The following SFI1 variants were observed in gnomAD, a reference collection of about 807,000 sequenced individuals.
SFI1 encodes the protein SFI1 centrin binding protein, also known as protein SFI1 homolog.
SFI1 carries 195 observed loss-of-function variants against 207.5 expected under a neutral mutation model. The ratio of observed to expected loss-of-function variants is 0.94; its 90% CI spans 0.84 to 1.06. SFI1 has a LOEUF of 1.06. SFI1 is among the 50% of genes least tolerant of loss of function. The pLI is 0.00. For synonymous variants in SFI1, 630 were observed against 598.9 expected (o/e 1.05, Z -0.76); for missense variants, 1,634 against 1,588.0 (o/e 1.03, Z -0.49).
intron 2 of SFI1, among the ~76,000 whole-genome samples, chr22:31,510,454 A>T (rs985897335): frequency 1.3e-5 from 2 of 151,676 alleles, no homozygotes; most frequent in African/African-American, 4.8e-5. Context: ...GTTTTTTGAG[A>T]TGGAGTCTCA....
chr22:31,551,078 G>A (rs964051963), intron 6 of SFI1, among the ~76,000 whole-genome samples: 8 of 152,112 alleles, frequency 5.3e-5, no homozygotes, highest in Non-Finnish European at 7.3e-5. Context: ...AATCATCGTT[G>A]CATTGCTACT....
chr22:31,594,420 T>C (rs1255717836), intron 15 of SFI1, among the ~76,000 whole-genome samples: 2 of 151,354 alleles, frequency 1.3e-5, no homozygotes, highest in Admixed American at 1.3e-4. Context: ...TGGTGGCACA[T>C]GCCTGTAATC....
intron 14 of SFI1, among the ~76,000 whole-genome samples, chr22:31,588,524 A>G (rs996615495): frequency 1.3e-5 from 2 of 152,294 alleles, no homozygotes; most frequent in Admixed American, 6.5e-5. Context: ...TAAAACCTCT[A>G]CACATTTGGG....
In SFI1 at chr22:31,583,865, C is replaced by T; in HGVS notation, c.1249-10C>T. ...CAGTACATTTCCATCTTCTTCCTCC[C>T]TTGCTTTAGCTGCTGCACAGGTTCT... On this transcript the variant is annotated splice_polypyrimidine_tract_variant and intron_variant, in intron 12 of 32. Transcript: ENST00000400288. 6.2e-7 allele frequency: 1 copy of T among 1,612,614 alleles called. No homozygotes were observed. The highest frequency in any genetic ancestry group is 8.5e-7 in the Non-Finnish European group (1 of 1,178,686).
intron 4 of SFI1, among the ~76,000 whole-genome samples, chr22:31,535,777 G>T (rs914889363): frequency 1.3e-5 from 2 of 151,918 alleles, no homozygotes; most frequent in African/African-American, 4.8e-5. Flanking sequence ...ACGAGGTCTC[G>T]CTGTATTGCC....
intron 2 of SFI1, among the ~76,000 whole-genome samples, chr22:31,518,915 A>G (rs1224051325): frequency 1.3e-5 from 2 of 151,048 alleles, no homozygotes; most frequent in African/African-American, 4.9e-5. Flanking sequence ...ACGTGTTATC[A>G]CAATTCATTG....
intron 22 of SFI1, among the ~76,000 whole-genome samples, chr22:31,608,630 T>C (rs924876261): frequency 4.2e-5 from 6 of 144,048 alleles, no homozygotes; most frequent in Non-Finnish European, 9.0e-5. Context: ...GGCTAGAGCT[T>C]GAGATCTACA....
In SFI1 at chr22:31,561,399, C is replaced by T. The variant is rs1254151511; in HGVS notation, c.765+7C>T. On this transcript the variant is annotated splice_region_variant and intron_variant, in intron 8 of 32. Coordinates refer to ENST00000400288, the MANE Select transcript of SFI1 (RefSeq NM_001007467.3). ...CCTGAGCCTCCAGGTGCAGGTGAGT[C>T]CAGCAGACGTGGGATTTGGCATCCT... 1 of 1,611,008 alleles carries T rather than the reference C, an allele frequency of 6.2e-7. No individual in the cohort carries two copies. The highest frequency in any genetic ancestry group is 8.5e-7 in the Non-Finnish European group (1 of 1,178,474).
At chr22:31,572,473 A>T (rs1206311893) in intron 8 of SFI1, among the ~76,000 whole-genome samples, 1 of 151,464 alleles carries the variant, frequency 6.6e-6, no homozygotes, top group Non-Finnish European at 1.5e-5. Flanking sequence ...TAATTATATC[A>T]CCCCTCGGAT....
intron 2 of SFI1, among the ~76,000 whole-genome samples, chr22:31,513,824 C>T (rs1273399674): frequency 6.7e-6 from 1 of 150,214 alleles, no homozygotes; most frequent in African/African-American, 2.4e-5. Flanking sequence ...CGTGATCCGC[C>T]CACCTCAGCC....
At chr22:31,571,801 T>TATA (rs767369297) in intron 8 of SFI1, among the ~76,000 whole-genome samples, 3 of 152,180 alleles carry the variant, frequency 2.0e-5, no homozygotes, top group Non-Finnish European at 4.4e-5. Context: ...TGATATAATA[T>TATA]ATAACATGCA....
intron 1 of SFI1, among the ~76,000 whole-genome samples, chr22:31,504,654 A>C (rs2054342329): frequency 6.6e-6 from 1 of 152,168 alleles, no homozygotes. Context: ...ACAGTTTTAG[A>C]GGCTAGAAGT....
At chr22:31,596,374 A>G (rs144278334) in intron 15 of SFI1, among the ~76,000 whole-genome samples, 1,630 of 152,268 alleles carry the variant, frequency 0.011, 6 homozygotes, top group Middle Eastern at 0.024. Context: ...AGATGGTTTT[A>G]GGTGGTGGCC....
intron 6 of SFI1, among the ~76,000 whole-genome samples, chr22:31,554,773 AT>A (rs918090110): frequency 4.7e-5 from 7 of 149,048 alleles, no homozygotes; most frequent in South Asian, 2.1e-4. Context: ...CGCCCGGCTA[AT>A]TTTTTTTTTG....
In SFI1 at chr22:31,528,746, A is replaced by G; in HGVS notation, c.149A>G (p.Lys50Arg). ...KPYSAKTLSN[K>R]KSSASFGIRR... ...TATTCTGCAAAGACACTGTCCAACA[A>G]GAAGTCTTCTGCATCCTTTGGGATC... The change falls in exon 3 of 33, where the codon AAG becomes AGG. Residue 50 changes from lysine (K) to arginine (R), a missense_variant. Physicochemically the swap from Lys to Arg is conservative, Grantham distance 26. Transcript: ENST00000400288. 1 of 1,614,232 alleles carries G rather than the reference A, an allele frequency of 6.2e-7. No individual in the cohort carries two copies. The highest frequency in any genetic ancestry group is 8.5e-7 in the Non-Finnish European group (1 of 1,180,028).
intron 4 of SFI1, among the ~76,000 whole-genome samples, chr22:31,545,569 A>AATTTT (rs554964981): frequency 7.6e-5 from 7 of 92,626 alleles, no homozygotes; most frequent in East Asian, 9.5e-4. Context: ...AATTTAATTT[A>AATTTT]ATTTAATTTA....
intron 15 of SFI1, among the ~76,000 whole-genome samples, chr22:31,591,174 T>A (rs373203213): frequency 6.6e-6 from 1 of 152,134 alleles, no homozygotes; most frequent in African/African-American, 2.4e-5. Flanking sequence ...TGACTCTTAA[T>A]GAGCATGCTG....
chr22:31,559,432 A>G (rs1290737313), intron 7 of SFI1: 1 of 385,132 alleles, frequency 2.6e-6, no homozygotes, highest in Non-Finnish European at 5.0e-6. Flanking sequence ...CGAAAAAATA[A>G]AAAAAATGGC....
intron 2 of SFI1, among the ~76,000 whole-genome samples, chr22:31,512,038 C>T (rs1277303898): frequency 1.3e-5 from 2 of 152,008 alleles, no homozygotes; most frequent in Non-Finnish European, 2.9e-5. Context: ...GTAACCATAA[C>T]ACAGGTAAAG....
Sources: allele counts gnomAD v4.1 joint callset (sites outside exome capture counted in the v4.1 genomes callset), GRCh38; gene constraint gnomAD v4.1.1; transcripts MANE v1.5; gene names NCBI Gene and HGNC (gene_info 2026-07-23, HGNC 2026-07-21).